Variants in KCNMA1 observed in about 807,000 individuals in gnomAD.
KCNMA1 encodes Calcium-activated potassium channel subunit alpha-1.
Under a neutral mutation model 140.0 loss-of-function variants are expected in KCNMA1, and 29 were observed. The observed-to-expected ratio is 0.21, with a 90% CI of 0.15 to 0.28. The LOEUF (loss-of-function observed/expected upper bound fraction) is 0.28. Ranked by LOEUF, KCNMA1 falls within the 10% of genes least tolerant of loss-of-function variation. KCNMA1 has a pLI of 1.00. For synonymous variants in KCNMA1, 612 were observed against 611.9 expected (o/e 1.00, Z 0.00); for missense variants, 880 against 1,602.2 (o/e 0.55, Z 7.70).
At chr10:76,912,155 T>A (rs1404153868) in intron 24 of KCNMA1, 1 of 152,220 alleles carries the variant, frequency 6.6e-6, no homozygotes, top group African/African-American at 2.4e-5. Context: ...CAAGGCCTAT[T>A]TCACAGAACA....
intron 14 of KCNMA1, among the ~76,000 whole-genome samples, chr10:77,070,659 T>C (rs1446034469): frequency 1.3e-4 from 20 of 152,174 alleles, no homozygotes; most frequent in Admixed American, 1.3e-3. Flanking sequence ...AATCCATTTG[T>C]AGGTTTACTT....
intron 25 of KCNMA1, among the ~76,000 whole-genome samples, chr10:76,900,290 AT>A (rs2044571755): frequency 6.6e-6 from 1 of 152,042 alleles, no homozygotes; most frequent in Admixed American, 6.6e-5. Context: ...ATGGTCACTC[AT>A]TTATTTCTAC....
intron 19 of KCNMA1, among the ~76,000 whole-genome samples, chr10:76,998,213 C>A (rs1001500868): frequency 1.3e-5 from 2 of 152,276 alleles, no homozygotes; most frequent in East Asian, 3.9e-4. Flanking sequence ...TGTGTGAGCA[C>A]TTTTAATATA....
chr10:77,581,911 C>G (rs1016407435), intron 1 of KCNMA1, among the ~76,000 whole-genome samples: 6 of 152,244 alleles, frequency 3.9e-5, no homozygotes, highest in Non-Finnish European at 7.3e-5. Flanking sequence ...TAGGAGACAG[C>G]TGGAACAGAG....
chr10:77,198,387 A>T (rs2154149950), intron 3 of KCNMA1, among the ~76,000 whole-genome samples: 1 of 152,140 alleles, frequency 6.6e-6, no homozygotes, highest in South Asian at 2.1e-4. Flanking sequence ...AGCCATTTAT[A>T]ACCCTGAAGT....
At chr10:76,974,881 A>C (rs2077033024) in intron 19 of KCNMA1, among the ~76,000 whole-genome samples, 1 of 152,086 alleles carries the variant, frequency 6.6e-6, no homozygotes, top group Admixed American at 6.6e-5. Context: ...GACACCGAAA[A>C]CTCAGTTTAG....
intron 15 of KCNMA1, 145 bp from the exon 16 acceptor site, chr10:77,028,036 G>A (rs1029724543): frequency 7.8e-5 from 60 of 764,422 alleles, no homozygotes; most frequent in Non-Finnish European, 1.3e-4. Flanking sequence ...AAGGGAGGGG[G>A]TGGAAGCAAC....
In KCNMA1 at chr10:76,887,156, A is replaced by C; in HGVS notation, c.*110T>G. 1.2e-6 allele frequency: 2 copies of C among 1,609,990 alleles called. No individual in the cohort carries two copies. Among genetic ancestry groups the C allele is most frequent in the South Asian group, 1.1e-5 (1 of 90,186 alleles). ...TCATACATATGCAAATATGTGTAAA[A>C]AAAAAGGGGGGGACTACAGGGGAAA... On this transcript the variant is annotated 3_prime_UTR_variant, in exon 28 of 28. Transcript: ENST00000286628.
At chr10:76,897,273 G>T (rs892330048) in intron 25 of KCNMA1, among the ~76,000 whole-genome samples, 1 of 151,430 alleles carries the variant, frequency 6.6e-6, no homozygotes, top group South Asian at 2.1e-4. Flanking sequence ...GCTGGGAAAT[G>T]AATCTAGGAT....
At chr10:76,934,386 G>A (rs2060000372) in intron 23 of KCNMA1, among the ~76,000 whole-genome samples, 1 of 152,164 alleles carries the variant, frequency 6.6e-6, no homozygotes, top group African/African-American at 2.4e-5. Flanking sequence ...ATAGAGAATA[G>A]GTGAAGACAA....
intron 16 of KCNMA1, among the ~76,000 whole-genome samples, chr10:77,027,106 A>G (rs2093530082): frequency 6.6e-6 from 1 of 152,116 alleles, no homozygotes; most frequent in Non-Finnish European, 1.5e-5. Flanking sequence ...AATCATCTCT[A>G]TTTTATCTGT....
chr10:77,550,141 G>A lies in KCNMA1; in HGVS notation c.378+87124C>T, dbSNP rs114448549. On this transcript the variant is annotated intron_variant, in intron 1 of 27. Coordinates refer to ENST00000286628, the MANE Select transcript of KCNMA1 (RefSeq NM_001161352.2). ...CTCACATCTGGTCCTTCACCACCAG[G>A]ACCAAGTCAGAGCAAAGGAGAAAAG... is the stretch of plus-strand genomic sequence containing the variant. Among the ~76,000 whole-genome samples the A allele has an allele frequency of 5.8e-3, 877 of 152,276 alleles. 8 individuals carry two copies. Among genetic ancestry groups the A allele is most frequent in the African/African-American group, 0.02 (821 of 41,554 alleles).
intron 9 of KCNMA1, 80 bp from the exon 10 acceptor site, chr10:77,090,590 G>T: frequency 2.2e-6 from 2 of 908,440 alleles, no homozygotes; most frequent in Non-Finnish European, 3.7e-6. Flanking sequence ...GACAGCAGAA[G>T]CCAGGCAGCT....
chr10:77,243,808 C>T (rs192119821), intron 3 of KCNMA1, among the ~76,000 whole-genome samples: 1 of 152,232 alleles, frequency 6.6e-6, no homozygotes, highest in East Asian at 1.9e-4. Context: ...TTACCCATCC[C>T]CAACTCCATG....
chr10:77,366,851 T>C (rs1603428023), intron 2 of KCNMA1, among the ~76,000 whole-genome samples: 1 of 152,346 alleles, frequency 6.6e-6, no homozygotes. Flanking sequence ...TTCATTATTT[T>C]CCCCATAGTT....
In KCNMA1 at chr10:77,565,048, C is replaced by T. The variant is rs536439537; in HGVS notation, c.378+72217G>A. On this transcript the variant is annotated intron_variant, in intron 1 of 27. Coordinates refer to ENST00000286628, the MANE Select transcript of KCNMA1 (RefSeq NM_001161352.2). ...GGTGAGAAGGGAAGCCACTGCCTCT[C>T]GGCCAAATCGCCCTCTGGGAGCACC... 4.9e-4 allele frequency among the ~76,000 whole-genome samples: 75 copies of T among 152,330 alleles called. No individual in the cohort carries two copies. The South Asian group carries it at 8.9e-3, about 18-fold the overall frequency.
chr10:77,185,039 C>T (rs1598204701), intron 3 of KCNMA1, 123 bp from the exon 4 acceptor site: 2 of 647,808 alleles, frequency 3.1e-6, no homozygotes, highest in East Asian at 2.8e-5. Context: ...TAAAAGAAAA[C>T]ATTTGGTCTT....
intron 1 of KCNMA1, among the ~76,000 whole-genome samples, chr10:77,584,476 T>C (rs984373577): frequency 6.6e-6 from 1 of 152,118 alleles, no homozygotes; most frequent in African/African-American, 2.4e-5. Context: ...TGCCTCAGCC[T>C]CCAGAGTAGC....
rs544025561 is a variant in KCNMA1 at position 77,409,701 on chromosome 10, C to A, written c.379-5678G>T. ...ACAGGAGAGCAAGCTTGTGCTAATC[C>A]TAGGACCCCACAGCCCCATCCCTCA... On this transcript the variant is annotated intron_variant, in intron 1 of 27. Transcript: ENST00000286628. Among the ~76,000 whole-genome samples, 9 of 152,276 alleles carry A rather than the reference C, an allele frequency of 5.9e-5. No homozygotes were observed. In the South Asian group the frequency reaches 1.7e-3, roughly 28 times the overall value.
Sources: allele counts gnomAD v4.1 joint callset (sites outside exome capture counted in the v4.1 genomes callset), GRCh38; gene constraint gnomAD v4.1.1; transcripts MANE v1.5; gene names NCBI Gene and HGNC (gene_info 2026-07-23, HGNC 2026-07-21).